The following MATCAP1 variants were observed in gnomAD, a reference collection of about 807,000 sequenced individuals.
MATCAP1 encodes microtubule associated tyrosine carboxypeptidase 1.
the MATCAP1 span, chr16:67,180,463 C>T: frequency 1.9e-6 from 3 of 1,606,834 alleles, no homozygotes; most frequent in East Asian, 4.5e-5. Context: ...ACTGCCAGAG[C>T]CAGGGGCAAG....
the MATCAP1 span, chr16:67,177,028 T>G: frequency 1.4e-6 from 2 of 1,450,946 alleles, no homozygotes; most frequent in Non-Finnish European, 1.8e-6. Context: ...GGCTTTCAGG[T>G]AGCTGGTCCC....
the MATCAP1 span, chr16:67,176,991 G>C: frequency 6.5e-7 from 1 of 1,533,198 alleles, no homozygotes. This position sits in a 1 kb window ranked among gnomAD's most constrained non-coding sequence, Gnocchi z 4.3. Flanking sequence ...GGAGGAAGCC[G>C]GGCATCAGGC....
the MATCAP1 span, among the ~76,000 whole-genome samples, chr16:67,181,092 G>A: frequency 6.6e-5 from 10 of 152,204 alleles, no homozygotes; most frequent in Admixed American, 2.0e-4. Context: ...CTGAGCTCCT[G>A]AAGGCAAGGA....
At chr16:67,182,279 C>T in the MATCAP1 span, among the ~76,000 whole-genome samples, 1 of 151,744 alleles carries the variant, frequency 6.6e-6, no homozygotes, top group Non-Finnish European at 1.5e-5. Context: ...AAAGTCACTG[C>T]CTCCTGGAAA....
At chr16:67,177,510 T>A in the MATCAP1 span, among the ~76,000 whole-genome samples, 1 of 152,234 alleles carries the variant, frequency 6.6e-6, no homozygotes, top group Non-Finnish European at 1.5e-5. Flanking sequence ...CACCATCCCT[T>A]CTGCAGGAGT....
At chr16:67,179,204 G>A in the MATCAP1 span, 7 of 1,366,828 alleles carry the variant, frequency 5.1e-6, no homozygotes, top group Admixed American at 3.3e-5. The surrounding 1 kb of genome is among the most constrained non-coding windows in gnomAD (Gnocchi z 5.2). Context: ...AAATATACCC[G>A]AAAGGACCAA....
At chr16:67,178,982 C>T in the MATCAP1 span, 2 of 479,040 alleles carry the variant, frequency 4.2e-6, no homozygotes, top group East Asian at 1.5e-4. Context: ...TGCCCTGCAC[C>T]CCCCTGCCCA....
At chr16:67,178,980 A>G in the MATCAP1 span, 1 of 464,344 alleles carries the variant, frequency 2.2e-6, no homozygotes, top group Middle Eastern at 3.8e-4. Flanking sequence ...AGTGCCCTGC[A>G]CCCCCCTGCC....
chr16:67,177,926 G>C, the MATCAP1 span: 2 of 1,221,482 alleles, frequency 1.6e-6, no homozygotes, highest in African/African-American at 1.5e-5. Flanking sequence ...CCCAGCCCTC[G>C]GTCTAGCACC....
chr16:67,179,571 G>A, the MATCAP1 span: 1 of 1,610,806 alleles, frequency 6.2e-7, no homozygotes, highest in Non-Finnish European at 8.5e-7. This position sits in a 1 kb window ranked among gnomAD's most constrained non-coding sequence, Gnocchi z 5.2. Flanking sequence ...ACCTGCAGGT[G>A]GCAGTGCTCT....
the MATCAP1 span, chr16:67,180,659 G>A: frequency 2.2e-6 from 3 of 1,368,502 alleles, no homozygotes; most frequent in Admixed American, 2.5e-5. Flanking sequence ...TCCCCACACT[G>A]TCGACCTCTG....
chr16:67,178,326 G>A, the MATCAP1 span: 7 of 1,582,308 alleles, frequency 4.4e-6, no homozygotes, highest in Non-Finnish European at 6.0e-6. Context: ...CGGCGCGGTG[G>A]ATGGTGTAGT....
the MATCAP1 span, among the ~76,000 whole-genome samples, chr16:67,181,142 CACTT>C: frequency 3.3e-5 from 5 of 152,250 alleles, no homozygotes; most frequent in African/African-American, 7.2e-5. Context: ...TGTGCTCACT[CACTT>C]AATCTGGGAG....
the MATCAP1 span, among the ~76,000 whole-genome samples, chr16:67,181,988 C>G: frequency 6.6e-6 from 1 of 152,218 alleles, no homozygotes; most frequent in Non-Finnish European, 1.5e-5. Flanking sequence ...GGGTGGCTCA[C>G]GCCTGTAATC....
chr16:67,179,157 A>G, the MATCAP1 span: 1 of 1,264,488 alleles, frequency 7.9e-7, no homozygotes, highest in Non-Finnish European at 1.0e-6. The surrounding 1 kb of genome is among the most constrained non-coding windows in gnomAD (Gnocchi z 5.2). Flanking sequence ...CCTTGCCCGC[A>G]CTGTTGGGAG....
the MATCAP1 span, among the ~76,000 whole-genome samples, chr16:67,182,223 T>C: frequency 3.1e-5 from 4 of 129,636 alleles, no homozygotes; most frequent in Admixed American, 3.8e-4. Flanking sequence ...CACTCCAGCC[T>C]GGGCAACAAC....
At chr16:67,177,141 C>T in the MATCAP1 span, among the ~76,000 whole-genome samples, 922 of 152,310 alleles carry the variant, frequency 6.1e-3, 8 homozygotes, top group African/African-American at 0.021. Context: ...CTCAATCCTT[C>T]ATCTTTGCCC....
At chr16:67,176,061 GTGTGT>G in the MATCAP1 span, 2 of 4,108 alleles carry the variant, frequency 4.9e-4, no homozygotes, top group Non-Finnish European at 1.3e-3. This position sits in a 1 kb window ranked among gnomAD's most constrained non-coding sequence, Gnocchi z 4.3. Context: ...ATCAGTGTGT[GTGTGT>G]GTGTGTGTGT....
At chr16:67,182,426 C>T in the MATCAP1 span, among the ~76,000 whole-genome samples, 1 of 152,220 alleles carries the variant, frequency 6.6e-6, no homozygotes, top group Non-Finnish European at 1.5e-5. Flanking sequence ...TTTACGTTCA[C>T]TCCCTAGATG....
Sources: gnomAD v4.1 joint callset for allele counts (sites outside exome capture counted in the v4.1 genomes callset) on GRCh38, gnomAD v4.1.1 for gene constraint, Gnocchi (gnomAD v3.1) non-coding constraint, MANE v1.5 for transcripts, NCBI Gene and HGNC (gene_info 2026-07-23, HGNC 2026-07-21) for gene names.